Variants in ADAM9 observed in about 807,000 individuals in gnomAD.
ADAM9 encodes disintegrin and metalloproteinase domain-containing protein 9.
ADAM9 carries 54 observed loss-of-function variants against 108.1 expected under a neutral mutation model. That is an observed-to-expected ratio of 0.50 (90% CI 0.40 to 0.63). The LOEUF is 0.63. ADAM9 is among the 20% of genes least tolerant of loss of function. The pLI is 0.00. For missense variants in ADAM9, 830 were observed against 997.7 expected (o/e 0.83, Z 2.26); for synonymous variants, 316 against 336.0 (o/e 0.94, Z 0.65).
intron 11 of ADAM9, among the ~76,000 whole-genome samples, chr8:39,037,771 A>G (rs1837332976): frequency 6.6e-6 from 1 of 152,222 alleles, no homozygotes; most frequent in Non-Finnish European, 1.5e-5. Context: ...CATAAAGATC[A>G]ACAGTACAAA....
chr8:39,042,238 A>G (rs1280218703), intron 12 of ADAM9, 121 bp downstream of exon 12: 4 of 1,106,636 alleles, frequency 3.6e-6, no homozygotes, highest in Non-Finnish European at 5.5e-6. Flanking sequence ...CACAGTGAGG[A>G]TTGTTATTTT....
rs796900208 is a variant in ADAM9 at position 39,083,430 on chromosome 8, A to G, written c.2068+357A>G. On this transcript the variant is annotated intron_variant, in intron 18 of 21. Transcript: ENST00000487273. ...CTGCATTGCTATTAGAATGAAGTCC[A>G]CAACTCCTTAACATGGGTTAAATGC... Among the ~76,000 whole-genome samples, 37 of 152,300 alleles carry G rather than the reference A, an allele frequency of 2.4e-4. 1 individual carries two copies. The highest frequency in any genetic ancestry group is 8.9e-4 in the African/African-American group (37 of 41,580).
chr8:39,044,652 C>A (rs1471599909), intron 12 of ADAM9, among the ~76,000 whole-genome samples: 2 of 151,468 alleles, frequency 1.3e-5, no homozygotes, highest in African/African-American at 2.4e-5. Flanking sequence ...TTGGAGTTAC[C>A]CAGTGTCCAT....
chr8:39,054,711 C>A, intron 13 of ADAM9, 138 bp downstream of exon 13: 1 of 676,456 alleles, frequency 1.5e-6, no homozygotes, highest in Non-Finnish European at 2.5e-6. Flanking sequence ...TTTTATGCCA[C>A]TTGTGTATAA....
At chr8:39,019,104 A>G (rs181730840) in intron 7 of ADAM9, among the ~76,000 whole-genome samples, 186 bp downstream of exon 7, 7 of 152,250 alleles carry the variant, frequency 4.6e-5, no homozygotes, top group Non-Finnish European at 7.3e-5. Context: ...AAATGTAGCA[A>G]ATGTGACTGC....
At chr8:39,042,280 TCTC>T (rs1329585831) in intron 12 of ADAM9, among the ~76,000 whole-genome samples, 163 bp downstream of exon 12, 4 of 152,222 alleles carry the variant, frequency 2.6e-5, no homozygotes. Context: ...GGATTGGTCA[TCTC>T]CTTCTTCTCA....
intron 1 of ADAM9, among the ~76,000 whole-genome samples, chr8:38,997,793 A>T (rs1246850860): frequency 6.6e-6 from 1 of 152,204 alleles, no homozygotes; most frequent in Non-Finnish European, 1.5e-5. Flanking sequence ...TAGCCAAACC[A>T]TTCTTAAAAA....
At chr8:39,068,639 C>A (rs1588406859) in intron 14 of ADAM9, among the ~76,000 whole-genome samples, 1 of 120,250 alleles carries the variant, frequency 8.3e-6, no homozygotes, top group Admixed American at 1.1e-4. Flanking sequence ...CATGCCATTG[C>A]ACTCCAGCCC....
At chr8:39,089,201 A>G (rs756539835) in intron 18 of ADAM9, among the ~76,000 whole-genome samples, 2 of 152,210 alleles carry the variant, frequency 1.3e-5, no homozygotes, top group Non-Finnish European at 2.9e-5. Flanking sequence ...GTGAGTGGAG[A>G]TCGTGCCATT....
chr8:39,094,447 T>C (rs1839440778), intron 20 of ADAM9, among the ~76,000 whole-genome samples: 1 of 152,162 alleles, frequency 6.6e-6, no homozygotes, highest in African/African-American at 2.4e-5. Context: ...TAAAATGAGT[T>C]TGGAAATATT....
chr8:39,076,596 A>G (rs1163349084), intron 15 of ADAM9, among the ~76,000 whole-genome samples: 1 of 152,220 alleles, frequency 6.6e-6, no homozygotes, highest in Non-Finnish European at 1.5e-5. Flanking sequence ...GTACAGCATC[A>G]TAAGAGTTAT....
chr8:39,040,115 T>C (rs1437328156), intron 11 of ADAM9, among the ~76,000 whole-genome samples: 1 of 152,160 alleles, frequency 6.6e-6, no homozygotes, highest in Admixed American at 6.5e-5. Context: ...AGTGGTGCAA[T>C]CTCGGCTCAC....
chr8:39,017,960 A>G (rs1836598211), intron 6 of ADAM9, among the ~76,000 whole-genome samples: 1 of 152,228 alleles, frequency 6.6e-6, no homozygotes, highest in Non-Finnish European at 1.5e-5. Context: ...TAGATTGGAA[A>G]AAGAGAGAGA....
chr8:39,003,190 T>C (rs1588318643), intron 1 of ADAM9, among the ~76,000 whole-genome samples: 1 of 152,314 alleles, frequency 6.6e-6, no homozygotes, highest in South Asian at 2.1e-4. Flanking sequence ...AAGTTATATG[T>C]AATCTTCCTA....
rs1467165492 is a variant in ADAM9 at position 39,105,064 on chromosome 8, A to G, written c.*1364A>G. ...TAATCTCATTAATTAAAAAGTTATA[A>G]TTTTAGATAAAAATTCTAGTCAAAT... On this transcript the variant is annotated 3_prime_UTR_variant, in exon 22 of 22. Coordinates refer to ENST00000487273, the MANE Select transcript of ADAM9 (RefSeq NM_003816.3). 2 of 404,846 alleles carry G rather than the reference A, an allele frequency of 4.9e-6. No individual in the cohort carries two copies. Among genetic ancestry groups the G allele is most frequent in the Admixed American group, 7.0e-5 (2 of 28,760 alleles). The allele number at this position is 404,846 out of a possible 1,614,324, so 25.1% of individuals were successfully genotyped here. A position where few individuals can be genotyped will look rare whatever the true frequency, so the allele number is the denominator to read the frequency against.
chr8:39,018,718 T>G, intron 6 of ADAM9, 135 bp from the exon 7 acceptor site: 1 of 807,656 alleles, frequency 1.2e-6, no homozygotes, highest in East Asian at 2.7e-5. Flanking sequence ...ATTTTTCACT[T>G]TCTTGATATA....
At chr8:39,089,601 G>A (rs967111152) in intron 18 of ADAM9, among the ~76,000 whole-genome samples, 2 of 152,144 alleles carry the variant, frequency 1.3e-5, no homozygotes, top group African/African-American at 4.8e-5. Flanking sequence ...GCAAAAGATT[G>A]GAAAAATATA....
intron 11 of ADAM9, among the ~76,000 whole-genome samples, chr8:39,030,005 A>G (rs993395060): frequency 1.3e-5 from 2 of 152,130 alleles, no homozygotes; most frequent in Non-Finnish European, 2.9e-5. Flanking sequence ...GACTCCTCCC[A>G]TATACTTTCT....
intron 14 of ADAM9, among the ~76,000 whole-genome samples, chr8:39,068,396 C>A (rs891046471): frequency 1.3e-5 from 2 of 152,012 alleles, no homozygotes; most frequent in Non-Finnish European, 2.9e-5. Context: ...AGCTGTCAGT[C>A]GGGCACGGTG....
Sources: allele counts gnomAD v4.1 joint callset (sites outside exome capture counted in the v4.1 genomes callset), GRCh38; gene constraint gnomAD v4.1.1; transcripts MANE v1.5; gene names NCBI Gene and HGNC (gene_info 2026-07-23, HGNC 2026-07-21).